Variants in ETS1 observed in about 807,000 individuals in gnomAD.
The protein encoded by ETS1 is protein C-ets-1.
In ETS1, 15 loss-of-function variants were observed where a neutral mutation model predicts 58.6. The observed-to-expected ratio is 0.26, with a 90% CI of 0.17 to 0.39. The LOEUF (loss-of-function observed/expected upper bound fraction) is 0.39. Among genes scored for constraint, ETS1 ranks in the 10% least tolerant of loss-of-function variants. The pLI, the probability that ETS1 is intolerant of heterozygous loss-of-function variation, is 1.00. For missense variants in ETS1, 417 were observed against 610.5 expected, an observed-to-expected ratio of 0.68 and a Z score of 3.34; for synonymous variants, 214 against 218.2, an observed-to-expected ratio of 0.98 and a Z score of 0.17.
chr11:128,522,194 G>T, intron 3 of ETS1: 1 of 1,241,178 alleles, frequency 8.1e-7, no homozygotes, highest in South Asian at 2.6e-5. Context: ...TTGGCACTTT[G>T]CGGCGAAGTG....
chr11:128,571,867 ACT>A (rs1864642084), intron 2 of ETS1: 1 of 152,100 alleles, frequency 6.6e-6, no homozygotes, highest in Admixed American at 6.6e-5. Context: ...ACATGGTGAA[ACT>A]CTGTCTCTAC....
chr11:128,540,111 A>T (rs1433095254), intron 3 of ETS1, among the ~76,000 whole-genome samples: 1 of 152,202 alleles, frequency 6.6e-6, no homozygotes, highest in Non-Finnish European at 1.5e-5. Context: ...CAGGAGTTGG[A>T]GACCAGTCTG....
intron 2 of ETS1, among the ~76,000 whole-genome samples, chr11:128,566,360 G>A (rs77886577): frequency 0.014 from 2,140 of 152,268 alleles, 61 homozygotes; most frequent in African/African-American, 0.048. Flanking sequence ...TTGTGGAGGC[G>A]CTTGACAAGC....
intron 3 of ETS1, among the ~76,000 whole-genome samples, chr11:128,538,426 C>T (rs933644540): frequency 6.6e-5 from 10 of 152,090 alleles, no homozygotes; most frequent in Non-Finnish European, 1.2e-4. Context: ...CTTTATGTTG[C>T]TTTTCCTGGT....
In ETS1 at chr11:128,569,175, C is replaced by T. The variant is rs959469788; in HGVS notation, c.69+3887G>A. Among the ~76,000 whole-genome samples the T allele has an allele frequency of 1.3e-5, 2 of 152,234 alleles. 1 individual carries two copies. The highest frequency in any genetic ancestry group is 4.1e-4 in the South Asian group (2 of 4,832). On this transcript the variant is annotated intron_variant, in intron 2 of 9. Transcript: ENST00000392668. The stretch of plus-strand genomic sequence containing the variant: ...GCTTCTACTCTGATGCCAGGAGCAC[C>T]TCCTAAATTTTAACAATGAGACACA...
intron 3 of ETS1, among the ~76,000 whole-genome samples, chr11:128,546,016 T>A (rs1864127632): frequency 6.6e-6 from 1 of 152,252 alleles, no homozygotes; most frequent in Admixed American, 6.5e-5. Context: ...CTCAAGGAGC[T>A]AGCCACTTTC....
At chr11:128,580,151 A>G (rs1465161653) in intron 1 of ETS1, among the ~76,000 whole-genome samples, 2 of 148,492 alleles carry the variant, frequency 1.3e-5, no homozygotes, top group Non-Finnish European at 1.5e-5. Flanking sequence ...AGCTTATCCA[A>G]GAGAGTAAGT....
At chr11:128,578,260 G>C (rs1249719719) in intron 1 of ETS1, among the ~76,000 whole-genome samples, 1 of 152,128 alleles carries the variant, frequency 6.6e-6, no homozygotes, top group East Asian at 1.9e-4. Flanking sequence ...TTAGGGAGGA[G>C]AGGGACTGTT....
chr11:128,487,841 C>A (rs1364167249), intron 5 of ETS1, among the ~76,000 whole-genome samples: 2 of 152,146 alleles, frequency 1.3e-5, no homozygotes, highest in Non-Finnish European at 2.9e-5. Context: ...CCCTGAGCTT[C>A]ATTTTACAGA....
intron 8 of ETS1, among the ~76,000 whole-genome samples, chr11:128,472,255 G>C (rs1862207073): frequency 1.3e-5 from 2 of 152,154 alleles, no homozygotes. Flanking sequence ...CCACAGACCT[G>C]TGCCCTGTGA....
At position 128,461,723 on chromosome 11, in the gene ETS1, C is replaced by G. The variant is rs1182272088; in HGVS notation, c.*638G>C. 6.5e-6 allele frequency: 1 copy of G among 152,744 alleles called. No individual in the cohort carries two copies. Among genetic ancestry groups the G allele is most frequent in the Admixed American group, 6.5e-5 (1 of 15,286 alleles). 9.5% of individuals were successfully genotyped at this position (152,744 alleles called of 1,614,324 possible). On this transcript the variant is annotated 3_prime_UTR_variant, in exon 10 of 10. Transcript: ENST00000392668. The stretch of plus-strand genomic sequence containing the variant: ...AACAAACTTACATGATATTGCAATA[C>G]TGAGACCACCTTAGAGCTTAAGACG...
At chr11:128,473,733 C>T (rs1862248979) in intron 8 of ETS1, among the ~76,000 whole-genome samples, 2 of 152,222 alleles carry the variant, frequency 1.3e-5, no homozygotes, top group Admixed American at 1.3e-4. Flanking sequence ...AAGGGCAGCG[C>T]TTCTCTTGAA....
intron 8 of ETS1, among the ~76,000 whole-genome samples, chr11:128,477,690 C>T (rs1219067662): frequency 6.6e-6 from 1 of 152,060 alleles, no homozygotes. Context: ...TCATTCAGAC[C>T]ACAACAATAG....
At chr11:128,506,200 T>G (rs11600456) in intron 3 of ETS1, among the ~76,000 whole-genome samples, 19,147 of 152,152 alleles carry the variant, frequency 0.13, 1,488 homozygotes, top group South Asian at 0.24. Context: ...GAATTAGACG[T>G]TGATGATGAT....
chr11:128,487,864 T>C (rs978621897), intron 5 of ETS1, among the ~76,000 whole-genome samples: 3 of 150,918 alleles, frequency 2.0e-5, no homozygotes, highest in African/African-American at 7.3e-5. Context: ...AGGACAATAA[T>C]AGGACTTGTC....
intron 1 of ETS1, among the ~76,000 whole-genome samples, chr11:128,583,582 A>G (rs953446410): frequency 6.6e-5 from 10 of 152,022 alleles, no homozygotes; most frequent in African/African-American, 2.4e-4. Flanking sequence ...CTTTTTGTAC[A>G]TTGTTTTGCA....
intron 5 of ETS1, among the ~76,000 whole-genome samples, chr11:128,486,466 C>T (rs1303003771): frequency 1.3e-5 from 2 of 152,180 alleles, no homozygotes; most frequent in Admixed American, 1.3e-4. Context: ...GCGTGTATGT[C>T]GACCACACTA....
intron 3 of ETS1, among the ~76,000 whole-genome samples, chr11:128,544,629 A>T (rs1048472928): frequency 6.6e-6 from 1 of 151,982 alleles, no homozygotes; most frequent in South Asian, 2.1e-4. Context: ...GAATTCGCAC[A>T]CAAATAATCT....
Position 128,484,866 on chromosome 11 carries a change from T to A in ETS1, c.819A>T (p.Glu273Asp). Reference sequence around the variant, plus strand: ...TGCACATGTTGTCTGGGGTGACGACTTCTTGTTTGATAGCAAAGTAGTCAT... The same window carrying A: ...TGCACATGTTGTCTGGGGTGACGACATCTTGTTTGATAGCAAAGTAGTCAT... ...LQNDYFAIKQ[E>D]VVTPDNMCMG... Residue 273 changes from glutamate (E) to aspartate (D), a missense_variant, in exon 7 of 10, where the codon GAA becomes GAT. Physicochemically the swap from Glu to Asp is conservative, Grantham distance 45. Around this residue, in one of 4 missense-constraint regions of ETS1, gnomAD observed 139 missense variants for 152.1 expected, o/e 0.91. Transcript: ENST00000392668. The A allele has an allele frequency of 6.2e-7, 1 of 1,614,112 alleles. No homozygotes were observed. Among genetic ancestry groups the A allele is most frequent in the Non-Finnish European group, 8.5e-7 (1 of 1,180,000 alleles).
Sources: allele counts gnomAD v4.1 joint callset (sites outside exome capture counted in the v4.1 genomes callset), GRCh38; gene constraint gnomAD v4.1.1; regional missense constraint gnomAD v4.1.1; transcripts MANE v1.5; gene names NCBI Gene and HGNC (gene_info 2026-07-23, HGNC 2026-07-21).